DOCK10: variants seen among roughly 807,000 people sequenced by gnomAD.
DOCK10 encodes the protein dedicator of cytokinesis protein 10.
DOCK10 carries 145 observed loss-of-function variants against 280.1 expected under a neutral mutation model. That is an observed-to-expected ratio of 0.52 (90% confidence interval 0.45 to 0.59). DOCK10 has a LOEUF of 0.59. DOCK10 is among the 20% of genes least tolerant of loss of function. DOCK10 has a pLI of 0.00. For missense variants in DOCK10, 2,368 were observed against 2,651.7 expected (o/e 0.89, Z 2.35); for synonymous variants, 915 against 942.2 (o/e 0.97, Z 0.53).
At chr2:224,989,196 G>A (rs1474250950) in intron 1 of DOCK10, among the ~76,000 whole-genome samples, 1 of 152,144 alleles carries the variant, frequency 6.6e-6, no homozygotes, top group East Asian at 1.9e-4. Context: ...AGGACCTAGG[G>A]GTGACCATCA....
At chr2:225,017,599 T>C (rs1050354057) in intron 1 of DOCK10, among the ~76,000 whole-genome samples, 3 of 152,056 alleles carry the variant, frequency 2.0e-5, no homozygotes, top group Non-Finnish European at 4.4e-5. Flanking sequence ...TTCTTGTAGA[T>C]TTTTTAACTG....
chr2:224,811,094 C>G (rs910673145), intron 31 of DOCK10, among the ~76,000 whole-genome samples: 1 of 152,080 alleles, frequency 6.6e-6, no homozygotes, highest in Non-Finnish European at 1.5e-5. Flanking sequence ...AGTTTACACT[C>G]CCACCAACAG....
intron 1 of DOCK10, among the ~76,000 whole-genome samples, chr2:224,967,948 CTG>C (rs1439046942): frequency 2.0e-5 from 3 of 152,070 alleles, no homozygotes; most frequent in African/African-American, 7.2e-5. Flanking sequence ...AGGCTTTACT[CTG>C]TCTTGATTTT....
rs143789070 is a variant in DOCK10 at position 224,777,884 on chromosome 2, T to C, written c.5802+254A>G. Reference sequence around the variant, plus strand: ...AATTACTTTCAGGCTTTGATTGCTATTCAAATGCAAATAACCAATGGAGAC... The same window carrying C: ...AATTACTTTCAGGCTTTGATTGCTACTCAAATGCAAATAACCAATGGAGAC... On this transcript the variant is annotated intron_variant, in intron 51 of 55. Coordinates refer to ENST00000258390, the MANE Select transcript of DOCK10 (RefSeq NM_014689.3). Among the ~76,000 whole-genome samples the C allele has an allele frequency of 3.3e-4, 50 of 152,354 alleles. 2 individuals carry two copies. The highest frequency in any genetic ancestry group is 1.1e-3 in the African/African-American group (47 of 41,586).
At chr2:224,950,323 C>T (rs1389411415) in intron 1 of DOCK10, among the ~76,000 whole-genome samples, 3 of 152,234 alleles carry the variant, frequency 2.0e-5, no homozygotes, top group Non-Finnish European at 4.4e-5. Flanking sequence ...GTACTATGTG[C>T]TGGATGCTGG....
intron 25 of DOCK10, among the ~76,000 whole-genome samples, chr2:224,835,438 T>C (rs1695530781): frequency 6.6e-6 from 1 of 152,240 alleles, no homozygotes; most frequent in Non-Finnish European, 1.5e-5. Context: ...ACACGGTGTA[T>C]GTGTGCATTT....
At chr2:224,875,515 C>G (rs55752095) in intron 8 of DOCK10, among the ~76,000 whole-genome samples, 14,733 of 151,958 alleles carry the variant, frequency 0.097, 969 homozygotes, top group Middle Eastern at 0.18. Context: ...GAAGTAGACC[C>G]TTATGAAGGA....
chr2:224,819,429 C>T lies in DOCK10; in HGVS notation c.3267+17G>A. 1 of 1,537,302 alleles carries T rather than the reference C, an allele frequency of 6.5e-7. No individual in the cohort carries two copies. On this transcript the variant is annotated intron_variant, in intron 29 of 55. Transcript: ENST00000258390. Reference sequence around the variant, plus strand: ...GCCATAGTTTAGAAAACAATCACTCCTGTACGTGGTTCTTACCTTAAGGTC... The same window carrying T: ...GCCATAGTTTAGAAAACAATCACTCTTGTACGTGGTTCTTACCTTAAGGTC...
intron 50 of DOCK10, among the ~76,000 whole-genome samples, chr2:224,780,118 C>T (rs2125030971): frequency 1.3e-5 from 2 of 152,284 alleles, no homozygotes; most frequent in South Asian, 4.1e-4. Context: ...TGAACAATTT[C>T]TTCGAGAAAT....
At chr2:224,991,417 C>A (rs1395722259) in intron 1 of DOCK10, among the ~76,000 whole-genome samples, 1 of 152,172 alleles carries the variant, frequency 6.6e-6, no homozygotes, top group African/African-American at 2.4e-5. Flanking sequence ...TAGTACAAAA[C>A]ACTGGCATAA....
At chr2:224,961,464 TTCTTTTTC>T (rs1174562810) in intron 1 of DOCK10, among the ~76,000 whole-genome samples, 14 of 126,838 alleles carry the variant, frequency 1.1e-4, no homozygotes, top group African/African-American at 3.9e-4. Flanking sequence ...CTTTCTTTCT[TTCTTTTTC>T]TTTCTTTCTT....
intron 1 of DOCK10, among the ~76,000 whole-genome samples, chr2:224,964,106 G>A (rs1174349126): frequency 6.6e-6 from 1 of 151,776 alleles, no homozygotes; most frequent in Non-Finnish European, 1.5e-5. Flanking sequence ...GGATGCGGAG[G>A]GTGTTAGCAC....
intron 4 of DOCK10, among the ~76,000 whole-genome samples, chr2:224,894,122 TA>T (rs1419537430): frequency 6.6e-6 from 1 of 152,256 alleles, no homozygotes; most frequent in African/African-American, 2.4e-5. Context: ...TTTCTTTAGT[TA>T]AAGTAAGGGA....
chr2:224,930,200 TA>T (rs749672431), intron 2 of DOCK10, among the ~76,000 whole-genome samples: 292 of 92,258 alleles, frequency 3.2e-3, no homozygotes, highest in African/African-American at 8.4e-3. Flanking sequence ...TGACACTCGG[TA>T]AAAAAAAAAA....
chr2:224,783,273 A>ATTTTTTTTTTTTTTTTTTTT (rs10713926), intron 50 of DOCK10, among the ~76,000 whole-genome samples: 1 of 144,000 alleles, frequency 6.9e-6, no homozygotes, highest in Non-Finnish European at 1.5e-5. Flanking sequence ...TCAGACTGGA[A>ATTTTTTTTTTTTTTTTTTTT]TTTTTTTTTT....
chr2:224,920,241 T>G (rs1181835291), intron 2 of DOCK10, among the ~76,000 whole-genome samples: 2 of 147,318 alleles, frequency 1.4e-5, no homozygotes, highest in African/African-American at 5.1e-5. Context: ...TTTCACTTTT[T>G]TTTTTTTTTT....
At chr2:224,983,657 G>C (rs142608116) in intron 1 of DOCK10, 1 of 422,872 alleles carries the variant, frequency 2.4e-6, no homozygotes, top group African/African-American at 2.1e-5. Flanking sequence ...TGCTCAAACA[G>C]GCATTAATTG....
intron 1 of DOCK10, among the ~76,000 whole-genome samples, chr2:224,948,268 A>G (rs1703538538): frequency 6.6e-6 from 1 of 152,248 alleles, no homozygotes; most frequent in African/African-American, 2.4e-5. Context: ...ATGCAGACTG[A>G]GAAGACCTTC....
At chr2:224,874,377 G>A in intron 9 of DOCK10, 28 bp from the exon 10 acceptor site, 2 of 1,554,958 alleles carry the variant, frequency 1.3e-6, no homozygotes, top group East Asian at 4.5e-5. Flanking sequence ...TTAGTCCTTG[G>A]TATCTAAATA....
Sources: gnomAD v4.1 joint callset for allele counts (sites outside exome capture counted in the v4.1 genomes callset) on GRCh38, gnomAD v4.1.1 for gene constraint, MANE v1.5 for transcripts, NCBI Gene and HGNC (gene_info 2026-07-23, HGNC 2026-07-21) for gene names.